SGCG: variants seen among roughly 807,000 people sequenced by gnomAD.
SGCG encodes gamma-sarcoglycan.
Under a neutral mutation model 29.3 loss-of-function variants are expected in SGCG, and 26 were observed. That is an observed-to-expected ratio of 0.89 (90% CI 0.65 to 1.23). The LOEUF (loss-of-function observed/expected upper bound fraction) is 1.23, where lower values mean the gene tolerates loss of function less well. SGCG is among the 50% of genes most tolerant of loss of function. The pLI is 0.00. For missense variants in SGCG, 353 were observed against 356.0 expected, an observed-to-expected ratio of 0.99 and a Z score of 0.07; for synonymous variants, 145 against 129.7, an observed-to-expected ratio of 1.12 and a Z score of -0.80.
At chr13:23,237,273 C>T (rs1879349453) in intron 3 of SGCG, among the ~76,000 whole-genome samples, 1 of 152,118 alleles carries the variant, frequency 6.6e-6, no homozygotes. Flanking sequence ...CAATTATTTC[C>T]TTTAAACAAA....
chr13:23,296,358 A>G (rs1881908516), intron 6 of SGCG, among the ~76,000 whole-genome samples: 1 of 152,242 alleles, frequency 6.6e-6, no homozygotes, highest in South Asian at 2.1e-4. Flanking sequence ...AACCAAGTGC[A>G]CAATAAATCC....
chr13:23,323,305 G>T (rs950780891), intron 7 of SGCG, among the ~76,000 whole-genome samples: 1 of 152,240 alleles, frequency 6.6e-6, no homozygotes. Flanking sequence ...CTTTGACCGT[G>T]ACTGCACCAG....
chr13:23,260,530 A>C (rs1053343936), intron 4 of SGCG, among the ~76,000 whole-genome samples: 6 of 152,170 alleles, frequency 3.9e-5, no homozygotes, highest in African/African-American at 1.2e-4. Context: ...TAATTGGGGC[A>C]TTTAGCCCAT....
intron 6 of SGCG, among the ~76,000 whole-genome samples, 163 bp from the exon 7 acceptor site, chr13:23,320,474 T>C (rs569903917): frequency 1.3e-5 from 2 of 152,344 alleles, no homozygotes; most frequent in Admixed American, 1.3e-4. Flanking sequence ...ACATTATTTC[T>C]AGATTTATCA....
At chr13:23,186,805 G>A (rs763056247) in intron 1 of SGCG, among the ~76,000 whole-genome samples, 8 of 152,136 alleles carry the variant, frequency 5.3e-5, no homozygotes, top group Non-Finnish European at 1.2e-4. Flanking sequence ...CCATAAGGTG[G>A]GTCATTTGGC....
At chr13:23,163,014 CATG>C in the SGCG span, among the ~76,000 whole-genome samples, 4 of 152,024 alleles carry the variant, frequency 2.6e-5, no homozygotes, top group Admixed American at 2.6e-4. Flanking sequence ...TTTATATGGA[CATG>C]ATAATAGTGG....
intron 2 of SGCG, among the ~76,000 whole-genome samples, chr13:23,216,813 C>T (rs1878446412): frequency 6.6e-6 from 1 of 152,054 alleles, no homozygotes; most frequent in South Asian, 2.1e-4. Context: ...ATGATGTGGA[C>T]TAATTGATTG....
At chr13:23,284,674 A>G (rs1881431007) in intron 5 of SGCG, among the ~76,000 whole-genome samples, 1 of 152,174 alleles carries the variant, frequency 6.6e-6, no homozygotes, top group Admixed American at 6.5e-5. Flanking sequence ...GATCCTTTGG[A>G]GGAGAAGAGG....
At chr13:23,253,204 G>A (rs555392688) in intron 4 of SGCG, among the ~76,000 whole-genome samples, 15 of 152,228 alleles carry the variant, frequency 9.9e-5, no homozygotes, top group African/African-American at 2.6e-4. Flanking sequence ...CTATGATCAC[G>A]CCATTACACT....
the SGCG span, among the ~76,000 whole-genome samples, chr13:23,164,663 G>A: frequency 9.2e-5 from 14 of 152,084 alleles, no homozygotes; most frequent in African/African-American, 2.9e-4. Flanking sequence ...GAGATCATTC[G>A]GCAAGAAAGG....
At chr13:23,230,489 G>C (rs7328583) in intron 2 of SGCG, among the ~76,000 whole-genome samples, 22,889 of 152,014 alleles carry the variant, frequency 0.15, 1,772 homozygotes, top group East Asian at 0.29. Context: ...TCATTGTAGG[G>C]ATCTTTCACC....
chr13:23,254,592 G>T (rs1452594890), intron 4 of SGCG, among the ~76,000 whole-genome samples: 2 of 152,230 alleles, frequency 1.3e-5, no homozygotes, highest in African/African-American at 2.4e-5. Context: ...CTGTGGTAGA[G>T]AAAGAATTCA....
At chr13:23,320,072 T>C (rs1056942013) in intron 6 of SGCG, among the ~76,000 whole-genome samples, 113 of 152,352 alleles carry the variant, frequency 7.4e-4, no homozygotes, top group Non-Finnish European at 1.3e-3. Context: ...ACCAAACTTA[T>C]ATTCTGTCTT....
At chr13:23,188,502 TGGGACAGG>T (rs1565992186) in intron 1 of SGCG, among the ~76,000 whole-genome samples, 12 of 140,918 alleles carry the variant, frequency 8.5e-5, no homozygotes, top group African/African-American at 1.8e-4. Flanking sequence ...TTTTTTTTTT[TGGGACAGG>T]TATTCACCAT....
At chr13:23,300,964 G>T (rs1882136583) in intron 6 of SGCG, among the ~76,000 whole-genome samples, 1 of 151,930 alleles carries the variant, frequency 6.6e-6, no homozygotes, top group African/African-American at 2.4e-5. Flanking sequence ...AAATACAAAA[G>T]AATTAGCCGG....
intron 2 of SGCG, among the ~76,000 whole-genome samples, chr13:23,229,580 G>A (rs566572195): frequency 8.4e-5 from 10 of 118,470 alleles, no homozygotes; most frequent in African/African-American, 2.5e-4. Flanking sequence ...TTGACCACAT[G>A]TGTGTTTTCT....
intron 2 of SGCG, among the ~76,000 whole-genome samples, chr13:23,214,499 T>C (rs1878351121): frequency 6.6e-6 from 1 of 152,186 alleles, no homozygotes; most frequent in African/African-American, 2.4e-5. Flanking sequence ...TCAACTTCTT[T>C]GCTCTGCCTA....
intron 6 of SGCG, among the ~76,000 whole-genome samples, chr13:23,308,112 T>C (rs375919436): frequency 6.6e-6 from 1 of 152,270 alleles, no homozygotes; most frequent in East Asian, 1.9e-4. Flanking sequence ...CTCTGGAGAG[T>C]ATTTGGCCAG....
At chr13:23,209,123 G>A (rs1305562000) in intron 2 of SGCG, among the ~76,000 whole-genome samples, 1 of 152,034 alleles carries the variant, frequency 6.6e-6, no homozygotes, top group Non-Finnish European at 1.5e-5. Context: ...AAAGATATAA[G>A]TGATCAAGGA....
Sources: gnomAD v4.1 joint callset for allele counts (sites outside exome capture counted in the v4.1 genomes callset) on GRCh38, gnomAD v4.1.1 for gene constraint, MANE v1.5 for transcripts, NCBI Gene and HGNC (gene_info 2026-07-23, HGNC 2026-07-21) for gene names.